The following SEC23B variants were observed in gnomAD, a reference collection of about 807,000 sequenced individuals.
SEC23B encodes SEC23 homolog B, COPII component.
A neutral mutation model predicts 104.3 loss-of-function variants in SEC23B; 77 were observed. That is an observed-to-expected ratio of 0.74 (90% CI 0.61 to 0.89). The LOEUF (loss-of-function observed/expected upper bound fraction) is 0.89. Ranked by LOEUF, SEC23B falls within the 40% of genes least tolerant of loss-of-function variation. SEC23B has a pLI of 0.00. For synonymous variants in SEC23B, 338 were observed against 332.5 expected (o/e 1.02, Z -0.18); for missense variants, 885 against 949.4 (o/e 0.93, Z 0.89).
chr20:18,535,316 A>C (rs1387826721), intron 11 of SEC23B, among the ~76,000 whole-genome samples: 1 of 151,896 alleles, frequency 6.6e-6, no homozygotes, highest in Admixed American at 6.6e-5. Context: ...TCGAGGCTGC[A>C]GTGAGCTGTG....
chr20:18,524,643 AAGGATT>A lies in SEC23B; in HGVS notation c.578_583del (p.Lys193_Leu195delinsIle), dbSNP rs1408459585. The A allele has an allele frequency of 2.5e-6, 4 of 1,613,936 alleles. No individual in the cohort carries two copies. Among genetic ancestry groups the A allele is most frequent in the Non-Finnish European group, 3.4e-6 (4 of 1,179,912 alleles). The stretch of plus-strand genomic sequence containing the variant: ...CAAAAGTTATGTCTTCCGAGGGACC[AAGGATT>A]TAACTGCAAAGCAAATACAGGTTTG... On this transcript the variant is annotated inframe_deletion, in exon 5 of 20. Transcript: ENST00000650089.
chr20:18,545,964 G>A lies in SEC23B; in HGVS notation c.1674G>A (p.Lys558=). 1 of 1,575,284 alleles carries A rather than the reference G, an allele frequency of 6.3e-7. No homozygotes were observed. Among genetic ancestry groups the A allele is most frequent in the South Asian group, 1.1e-5 (1 of 90,248 alleles). The change falls in exon 15 of 20, where the codon AAG becomes AAA. Residue 558 remains lysine (K), a synonymous_variant. Coordinates refer to ENST00000650089, the MANE Select transcript of SEC23B (RefSeq NM_006363.6). ...GTATTTTCTTTCCATAGTGTCAAAA[G>A]TTTGGACAGTATAACAAAGAAGACC... ...LDRQLIRLCQ[K]FGQYNKEDPT... is the part of the protein sequence containing the mutation.
In SEC23B at chr20:18,511,043, C is replaced by T. The variant is rs767430016; in HGVS notation, c.208C>T (p.Leu70Phe). 8.1e-6 allele frequency: 13 copies of T among 1,611,614 alleles called. No individual in the cohort carries two copies. Among genetic ancestry groups the T allele is most frequent in the African/African-American group, 1.3e-5 (1 of 74,866 alleles). Residue 70 changes from leucine to phenylalanine, a missense_variant, in exon 2 of 20, where the codon CTC becomes TTC. By Grantham distance (22) the Leu-to-Phe change is conservative. Transcript: ENST00000650089. ...CAGCAGGCCAACTTGTAAAGCTGTT[C>T]TCAACCCACTTTGGTATGGATTCTT... ...LCSRPTCKAVLNPLCQVDYRA... is the reference protein window; with the variant it reads ...LCSRPTCKAVFNPLCQVDYRA...
At chr20:18,540,016 C>CA (rs1048429928) in intron 12 of SEC23B, among the ~76,000 whole-genome samples, 7 of 20,708 alleles carry the variant, frequency 3.4e-4, no homozygotes, top group Middle Eastern at 0.019. Flanking sequence ...ACTGAAGTCT[C>CA]AAACCCCTCA....
chr20:18,524,079 T>C (rs1278411162), intron 4 of SEC23B, among the ~76,000 whole-genome samples: 3 of 152,132 alleles, frequency 2.0e-5, no homozygotes, highest in African/African-American at 4.8e-5. Flanking sequence ...CTGCCTCTCC[T>C]CCTGGTGTTT....
At chr20:18,522,908 A>C (rs904464109) in intron 4 of SEC23B, among the ~76,000 whole-genome samples, 5 of 151,738 alleles carry the variant, frequency 3.3e-5, no homozygotes, top group Admixed American at 2.6e-4. Context: ...ATACAAAAAA[A>C]ATTTAAAAAT....
In SEC23B at chr20:18,543,009, G is replaced by T. The variant is rs770601333; in HGVS notation, c.1512-10G>T. 27 of 1,613,946 alleles carry T rather than the reference G, an allele frequency of 1.7e-5. No individual in the cohort carries two copies. In the Admixed American group the frequency reaches 4.5e-4, roughly 27 times the overall value. On this transcript the variant is annotated splice_polypyrimidine_tract_variant and intron_variant, in intron 13 of 19. Transcript: ENST00000650089. ...AAACATAAGCATGGCACTAACTCTG[G>T]AATTGTCAGTTGGGCAGATGTACAG...
chr20:18,532,851 G>T, intron 11 of SEC23B, 107 bp downstream of exon 11: 2 of 818,634 alleles, frequency 2.4e-6, no homozygotes. Flanking sequence ...TGTGTCTGCA[G>T]TGACAGGAGA....
At chr20:18,525,118 T>G in intron 6 of SEC23B, 98 bp downstream of exon 6, 1 of 1,108,046 alleles carries the variant, frequency 9.0e-7, no homozygotes, top group Non-Finnish European at 1.3e-6. Flanking sequence ...TATTTTCTTA[T>G]TATTAGAGAA....
intron 15 of SEC23B, among the ~76,000 whole-genome samples, chr20:18,547,627 T>C (rs2060345311): frequency 6.6e-6 from 1 of 152,174 alleles, no homozygotes; most frequent in Non-Finnish European, 1.5e-5. Flanking sequence ...GCTGTTCCTG[T>C]GCCTGGAATC....
rs1057146958 is a variant in SEC23B at position 18,542,521 on chromosome 20, C to T, written c.1511+119C>T. The stretch of plus-strand genomic sequence containing the variant: ...CCATTGAATGGTTCTCACCAGACCT[C>T]ATTAGCTTATTTGATCAGAGGAGGA... On this transcript the variant is annotated intron_variant, in intron 13 of 19. Transcript: ENST00000650089. 2.6e-5 allele frequency: 27 copies of T among 1,030,392 alleles called. No individual in the cohort carries two copies. The African/African-American group carries it at 4.1e-4, about 16-fold the overall frequency. 63.8% of individuals were successfully genotyped at this position (1,030,392 alleles called of 1,614,324 possible).
At chr20:18,519,120 C>T (rs2060060188) in intron 4 of SEC23B, among the ~76,000 whole-genome samples, 1 of 151,992 alleles carries the variant, frequency 6.6e-6, no homozygotes, top group South Asian at 2.1e-4. Flanking sequence ...GGCGATTAGG[C>T]CTGGTGGAAC....
Position 18,533,243 on chromosome 20 carries a change from A to G in SEC23B, c.1314+499A>G, listed in dbSNP as rs149180669. Among the ~76,000 whole-genome samples, 46 of 152,306 alleles carry G rather than the reference A, an allele frequency of 3.0e-4. 2 individuals are homozygous for G. In the East Asian group the frequency reaches 8.7e-3, roughly 29 times the overall value. Reference sequence around the variant, plus strand: ...GCAGACATCTGTTTTCTCTAGTAATAGTTTTTGAGAACAATTTAGTTATCA... The same window carrying G: ...GCAGACATCTGTTTTCTCTAGTAATGGTTTTTGAGAACAATTTAGTTATCA... On this transcript the variant is annotated intron_variant, in intron 11 of 19. Transcript: ENST00000650089.
At chr20:18,543,886 C>G (rs911937280) in intron 14 of SEC23B, among the ~76,000 whole-genome samples, 2 of 152,194 alleles carry the variant, frequency 1.3e-5, no homozygotes, top group Non-Finnish European at 2.9e-5. Flanking sequence ...AGGAAAATGT[C>G]TCACTGGAGA....
At position 18,532,686 on chromosome 20, in the gene SEC23B, C is replaced by T; in HGVS notation, c.1256C>T (p.Ala419Val). 6.2e-7 allele frequency: 1 copy of T among 1,613,644 alleles called. No homozygotes were observed. Among genetic ancestry groups the T allele is most frequent in the Non-Finnish European group, 8.5e-7 (1 of 1,179,572 alleles). The change falls in exon 11 of 20, where the codon GCA (alanine) becomes GTA (valine). Residue 419 changes from alanine to valine, a missense_variant. Ala to Val is a moderately conservative substitution (Grantham distance 64). Transcript: ENST00000650089. Reference sequence around the variant, plus strand: ...TAGACCTCTCGGGAACTGAAGATTGCAGGAGCCATTGGTCCATGCGTATCT... The same window carrying T: ...TAGACCTCTCGGGAACTGAAGATTGTAGGAGCCATTGGTCCATGCGTATCT... The part of the protein sequence containing the change: ...DVKTSRELKI[A>V]GAIGPCVSLN...
intron 4 of SEC23B, among the ~76,000 whole-genome samples, chr20:18,519,220 A>G (rs891055202): frequency 6.6e-6 from 1 of 152,140 alleles, no homozygotes; most frequent in African/African-American, 2.4e-5. Flanking sequence ...GATCAGAGAG[A>G]TACAGTCATG....
At chr20:18,523,387 T>A (rs945235589) in intron 4 of SEC23B, among the ~76,000 whole-genome samples, 5 of 140,612 alleles carry the variant, frequency 3.6e-5, no homozygotes, top group African/African-American at 1.0e-4. Context: ...TTTCTTTGTT[T>A]CTTTCCTTTC....
chr20:18,508,932 G>A (rs1316887273), intron 1 of SEC23B, among the ~76,000 whole-genome samples: 1 of 152,120 alleles, frequency 6.6e-6, no homozygotes, highest in African/African-American at 2.4e-5. Flanking sequence ...TGTTGGCCAG[G>A]CTGGTCTTGA....
At chr20:18,540,234 A>G (rs2060275365) in intron 12 of SEC23B, among the ~76,000 whole-genome samples, 1 of 152,220 alleles carries the variant, frequency 6.6e-6, no homozygotes, top group African/African-American at 2.4e-5. Context: ...TTAAGACTTG[A>G]AAGTCAAAAT....
Sources: gnomAD v4.1 joint callset for allele counts (sites outside exome capture counted in the v4.1 genomes callset) on GRCh38, gnomAD v4.1.1 for gene constraint, MANE v1.5 for transcripts, NCBI Gene and HGNC (gene_info 2026-07-23, HGNC 2026-07-21) for gene names.